The following BNIP5 variants were observed in gnomAD, a reference collection of about 807,000 sequenced individuals.
BNIP5 encodes the protein protein BNIP5.
Under a neutral mutation model 67.3 loss-of-function variants are expected in BNIP5, and 61 were observed. The observed-to-expected ratio is 0.91, with a 90% CI of 0.74 to 1.12. The LOEUF (loss-of-function observed/expected upper bound fraction) is 1.12, where lower values mean the gene tolerates loss of function less well. Among genes scored for constraint, BNIP5 ranks in the 50% most tolerant of loss-of-function variants. BNIP5 has a pLI of 0.00. For missense variants in BNIP5, 826 were observed against 816.3 expected, an observed-to-expected ratio of 1.01 and a Z score of -0.14; for synonymous variants, 317 against 319.0, an observed-to-expected ratio of 0.99 and a Z score of 0.07.
Position 36,334,017 on chromosome 6 carries a change from C to T in BNIP5, c.-5+2695G>A, listed in dbSNP as rs113721395. 1.2e-4 allele frequency among the ~76,000 whole-genome samples: 19 copies of T among 152,310 alleles called. No homozygotes were observed. In the East Asian group the frequency reaches 1.9e-3, roughly 15 times the overall value. On this transcript the variant is annotated intron_variant, in intron 1 of 11. Coordinates refer to ENST00000437635, the MANE Select transcript of BNIP5 (RefSeq NM_001010903.5). ...GACCGGCGCTTCCTTACCCAGTTAACGGGAAGAGAGATGCAGTAATCTTTT... is the reference window on the plus strand; with the variant it reads ...GACCGGCGCTTCCTTACCCAGTTAATGGGAAGAGAGATGCAGTAATCTTTT...
chr6:36,322,569 C>G, intron 8 of BNIP5, 127 bp from the exon 9 acceptor site: 1 of 1,017,634 alleles, frequency 9.8e-7, no homozygotes, highest in Non-Finnish European at 1.4e-6. Context: ...TTTCCTGCCC[C>G]CGGCTCTGCC....
At chr6:36,322,475 C>T in intron 8 of BNIP5, 33 bp from the exon 9 acceptor site, 1 of 1,598,994 alleles carries the variant, frequency 6.3e-7, no homozygotes, top group Non-Finnish European at 8.5e-7. Context: ...GAGTGTTTTG[C>T]AGAGAGCTGA....
chr6:36,317,347 A>G lies in BNIP5; in HGVS notation c.*9T>C, dbSNP rs201798327. The G allele has an allele frequency of 6.2e-7, 1 of 1,612,200 alleles. No individual in the cohort carries two copies. Among genetic ancestry groups the G allele is most frequent in the Non-Finnish European group, 8.5e-7 (1 of 1,178,218 alleles). On this transcript the variant is annotated 3_prime_UTR_variant, in exon 12 of 12. Transcript: ENST00000437635. ...TAGTTCAAGGGAATTTGAGTGCAAGACACAGCTTTCAATCTGGACTTTCAA... is the reference window on the plus strand; with the variant it reads ...TAGTTCAAGGGAATTTGAGTGCAAGGCACAGCTTTCAATCTGGACTTTCAA...
chr6:36,330,361 C>T lies in BNIP5; in HGVS notation c.330G>A (p.Thr110=), dbSNP rs763282467. The T allele has an allele frequency of 1.6e-5, 26 of 1,614,086 alleles. No individual in the cohort carries two copies. Among genetic ancestry groups the T allele is most frequent in the Admixed American group, 1.0e-4 (6 of 60,006 alleles). The change falls in exon 2 of 12, where the codon ACG becomes ACA. Residue 110 remains threonine, a synonymous_variant. Coordinates refer to ENST00000437635, the MANE Select transcript of BNIP5 (RefSeq NM_001010903.5). ...LKTMLNFFVR[T]GPEEPREKAS... Reference sequence around the variant, plus strand: ...CCTTTTCTCTGGGCTCCTCAGGGCCCGTCCTCACGAAGAAGTTCAGCATGG... The same window carrying T: ...CCTTTTCTCTGGGCTCCTCAGGGCCTGTCCTCACGAAGAAGTTCAGCATGG...
rs151232446 is a variant in BNIP5, at chr6:36,320,289, G to A, written c.1669-679C>T. Among the ~76,000 whole-genome samples the A allele has an allele frequency of 1.6e-4, 25 of 152,264 alleles. No homozygotes were observed. The East Asian group carries it at 4.1e-3, about 25-fold the overall frequency. On this transcript the variant is annotated intron_variant, in intron 10 of 11. Transcript: ENST00000437635. ...AGACCTGGAACAAGAATGGGAAGGC[G>A]GCCCAGGGGGTGGCAACTGGAGCTT... is the stretch of plus-strand genomic sequence containing the variant.
Position 36,321,206 on chromosome 6 carries a change from G to A in BNIP5, c.1617C>T (p.Ile539=). The change falls in exon 10 of 12, where the codon ATC becomes ATT. Residue 539 remains isoleucine, a synonymous_variant. Coordinates refer to ENST00000437635, the MANE Select transcript of BNIP5 (RefSeq NM_001010903.5). Reference sequence around the variant, plus strand: ...CTTGGAGAAGTGCCACAAGCTTCTGGATGATGATCTCCTCTAAGGAAAAGA... The same window carrying A: ...CTTGGAGAAGTGCCACAAGCTTCTGAATGATGATCTCCTCTAAGGAAAAGA... ...SGACESKEII[I]QKLVALLQEV... 6.3e-7 allele frequency: 1 copy of A among 1,597,792 alleles called. No individual in the cohort carries two copies.
At chr6:36,333,062 TCTTATGTGTGGGATCCACAG>T (rs1771939996) in intron 1 of BNIP5, among the ~76,000 whole-genome samples, 1 of 152,256 alleles carries the variant, frequency 6.6e-6, no homozygotes, top group Non-Finnish European at 1.5e-5. Flanking sequence ...AATTGCGATT[TCTTATGTGTGGGATCCACAG>T]GAAAGTGAAG....
intron 3 of BNIP5, 149 bp from the exon 4 acceptor site, chr6:36,327,243 G>A: frequency 1.4e-6 from 1 of 708,742 alleles, no homozygotes; most frequent in Non-Finnish European, 2.4e-6. Flanking sequence ...TCTTCTGAGA[G>A]AAGGTTGGAA....
At chr6:36,333,055 T>C (rs891517131) in intron 1 of BNIP5, among the ~76,000 whole-genome samples, 2 of 152,232 alleles carry the variant, frequency 1.3e-5, no homozygotes, top group Non-Finnish European at 2.9e-5. Flanking sequence ...AATCTATAAT[T>C]GCGATTTCTT....
chr6:36,330,075 G>T lies in BNIP5; in HGVS notation c.610+6C>A. The T allele has an allele frequency of 1.3e-6, 2 of 1,594,242 alleles. No homozygotes were observed. Among genetic ancestry groups the T allele is most frequent in the South Asian group, 1.1e-5 (1 of 89,452 alleles). ...GTTGCCATAGGAACAGGCACGGTCCGCTCACCCCTGCGAGCTGGGCCCAGG... is the reference window on the plus strand; with the variant it reads ...GTTGCCATAGGAACAGGCACGGTCCTCTCACCCCTGCGAGCTGGGCCCAGG... On this transcript the variant is annotated splice_donor_region_variant and intron_variant, in intron 2 of 11. Coordinates refer to ENST00000437635, the MANE Select transcript of BNIP5 (RefSeq NM_001010903.5).
At chr6:36,324,034 C>T in intron 7 of BNIP5, 95 bp downstream of exon 7, 2 of 905,788 alleles carry the variant, frequency 2.2e-6, no homozygotes, top group Admixed American at 3.5e-5. Flanking sequence ...TGGAGCAGGA[C>T]ACAGAAGAGC....
intron 5 of BNIP5, among the ~76,000 whole-genome samples, chr6:36,326,178 C>T (rs561194731): frequency 6.6e-6 from 1 of 152,334 alleles, no homozygotes; most frequent in African/African-American, 2.4e-5. Context: ...GCCTCCCCTG[C>T]TCCAGCTCCT....
chr6:36,333,776 C>A (rs11965295), intron 1 of BNIP5, among the ~76,000 whole-genome samples: 13,459 of 152,240 alleles, frequency 0.088, 1,159 homozygotes, highest in African/African-American at 0.21. Flanking sequence ...GTGATTTAAG[C>A]TCACATTTAA....
rs987914044 is a variant in BNIP5, at chr6:36,316,413, A to G, written c.*943T>C. ...CCCCACACTTCACCTTTGTGCAAATACAAAAAATAGCCCTTTTCTCAAGAC... is the reference window on the plus strand; with the variant it reads ...CCCCACACTTCACCTTTGTGCAAATGCAAAAAATAGCCCTTTTCTCAAGAC... On this transcript the variant is annotated 3_prime_UTR_variant, in exon 12 of 12. Coordinates refer to ENST00000437635, the MANE Select transcript of BNIP5 (RefSeq NM_001010903.5). 4 of 397,862 alleles carry G rather than the reference A, an allele frequency of 1.0e-5. No individual in the cohort carries two copies. Among genetic ancestry groups the G allele is most frequent in the African/African-American group, 8.2e-5 (4 of 48,630 alleles). 24.6% of individuals were successfully genotyped at this position (397,862 alleles called of 1,614,324 possible).
chr6:36,318,231 C>T (rs1015936583), intron 11 of BNIP5, among the ~76,000 whole-genome samples: 1 of 152,204 alleles, frequency 6.6e-6, no homozygotes, highest in Non-Finnish European at 1.5e-5. Flanking sequence ...GTAGAAGTTC[C>T]GGTCCTGTTT....
chr6:36,331,696 AT>A (rs1016453014), intron 1 of BNIP5, among the ~76,000 whole-genome samples: 3 of 152,088 alleles, frequency 2.0e-5, no homozygotes, highest in African/African-American at 7.2e-5. Flanking sequence ...AAAATAAATA[AT>A]TTTATTTAGA....
chr6:36,321,048 G>A (rs542895962), intron 10 of BNIP5, 107 bp downstream of exon 10: 33 of 701,376 alleles, frequency 4.7e-5, no homozygotes, highest in Non-Finnish European at 1.0e-5. Flanking sequence ...ACTCAGAGAG[G>A]TTAAGGGACA....
At chr6:36,323,994 C>T (rs570804861) in intron 7 of BNIP5, 135 bp downstream of exon 7, 15 of 680,604 alleles carry the variant, frequency 2.2e-5, no homozygotes, top group African/African-American at 8.1e-5. Flanking sequence ...AGCAAGACTC[C>T]GTCTCCAAAA....
intron 9 of BNIP5, among the ~76,000 whole-genome samples, chr6:36,322,026 C>A (rs1771647188): frequency 6.6e-6 from 1 of 152,222 alleles, no homozygotes; most frequent in South Asian, 2.1e-4. Context: ...GCTTATGAGA[C>A]CCGGAGCAAG....
Sources: gnomAD v4.1 joint callset for allele counts (sites outside exome capture counted in the v4.1 genomes callset) on GRCh38, gnomAD v4.1.1 for gene constraint, MANE v1.5 for transcripts, NCBI Gene and HGNC (gene_info 2026-07-23, HGNC 2026-07-21) for gene names.